The following AKAP6 variants were observed in gnomAD, a reference collection of about 807,000 sequenced individuals.
AKAP6 encodes the protein A-kinase anchoring protein 6.
Under a neutral mutation model 188.5 loss-of-function variants are expected in AKAP6, and 58 were observed. That is an observed-to-expected ratio of 0.31 (90% CI 0.25 to 0.38). The LOEUF (loss-of-function observed/expected upper bound fraction) is 0.38, where lower values mean the gene tolerates loss of function less well. AKAP6 is among the 10% of genes least tolerant of loss of function. The probability of loss-of-function intolerance (pLI) is 1.00; values close to 1 mark genes in which losing one functional copy is unlikely to be tolerated. For synonymous variants in AKAP6, 989 were observed against 998.6 expected (o/e 0.99, Z 0.18); for missense variants, 2,710 against 2,740.0 (o/e 0.99, Z 0.24).
intron 1 of AKAP6, among the ~76,000 whole-genome samples, chr14:32,348,294 A>T (rs1359440762): frequency 1.3e-5 from 2 of 152,230 alleles, no homozygotes; most frequent in Non-Finnish European, 2.9e-5. Context: ...AAATTAGCAC[A>T]TTTTAAGATA....
At chr14:32,705,452 A>G (rs1451114033) in intron 9 of AKAP6, among the ~76,000 whole-genome samples, 1 of 152,192 alleles carries the variant, frequency 6.6e-6, no homozygotes, top group Non-Finnish European at 1.5e-5. Context: ...ATGTGTATGT[A>G]TATGTGAGTG....
chr14:32,681,174 G>A (rs1404745650), intron 8 of AKAP6, among the ~76,000 whole-genome samples: 3 of 152,176 alleles, frequency 2.0e-5, no homozygotes, highest in Admixed American at 6.5e-5. Flanking sequence ...ATTACTTTCT[G>A]TATATTTTGT....
chr14:32,423,479 A>C (rs1957011), intron 1 of AKAP6, among the ~76,000 whole-genome samples: 50,142 of 152,002 alleles, frequency 0.33, 9,599 homozygotes, highest in East Asian at 0.8. Flanking sequence ...ATGCCTAGCC[A>C]TAACTTATTT....
At chr14:32,681,992 C>T (rs66604843) in intron 8 of AKAP6, among the ~76,000 whole-genome samples, 33,934 of 152,122 alleles carry the variant, frequency 0.22, 4,595 homozygotes, top group East Asian at 0.55. Context: ...ATTTCAGAAG[C>T]TCACAGTTTG....
intron 5 of AKAP6, among the ~76,000 whole-genome samples, chr14:32,578,284 T>C (rs1278946187): frequency 6.6e-6 from 1 of 152,096 alleles, no homozygotes; most frequent in Middle Eastern, 3.2e-3. Context: ...TTGCAGCATG[T>C]TTATATAACA....
At chr14:32,570,241 G>A (rs1018235546) in intron 4 of AKAP6, among the ~76,000 whole-genome samples, 3 of 144,512 alleles carry the variant, frequency 2.1e-5, no homozygotes, top group Admixed American at 7.5e-5. Context: ...AGTGATTCTC[G>A]TGCCTCAGCC....
chr14:32,503,433 CT>C (rs1880703568), intron 2 of AKAP6, among the ~76,000 whole-genome samples: 1 of 151,836 alleles, frequency 6.6e-6, no homozygotes, highest in Non-Finnish European at 1.5e-5. Flanking sequence ...TCTTTTTCTA[CT>C]GTAGTCAAAT....
In AKAP6 at chr14:32,829,860, G is replaced by A. The variant is rs781544950; in HGVS notation, c.*55G>A. ...TTGTTTCTTGTAGATACGCCTGGCT[G>A]CAACTCAGGGGTGGCCTCATCCTCC... On this transcript the variant is annotated 3_prime_UTR_variant, in exon 14 of 14. Coordinates refer to ENST00000280979, the MANE Select transcript of AKAP6 (RefSeq NM_004274.5). 1 of 700,788 alleles carries A rather than the reference G, an allele frequency of 1.4e-6. No individual in the cohort carries two copies. The highest frequency in any genetic ancestry group is 1.5e-5 in the South Asian group (1 of 67,406). The allele number at this position is 700,788 out of a possible 1,614,324, so 43.4% of individuals were successfully genotyped here.
At chr14:32,429,110 C>A (rs534173852) in intron 1 of AKAP6, among the ~76,000 whole-genome samples, 1 of 152,206 alleles carries the variant, frequency 6.6e-6, no homozygotes, top group Non-Finnish European at 1.5e-5. Flanking sequence ...ACTCCTTTCA[C>A]ACCGTCTTGG....
Position 32,599,037 on chromosome 14 carries a change from A to G in AKAP6, c.2470-373A>G, listed in dbSNP as rs181225764. 9.4e-4 allele frequency among the ~76,000 whole-genome samples: 143 copies of G among 152,212 alleles called. No homozygotes were observed. In the Middle Eastern group the frequency reaches 0.01, roughly 11 times the overall value. ...ATATATTTTATGCTGCCAATTTTTT[A>G]TGGTTTCATAAATAGTGCTATCACT... On this transcript the variant is annotated intron_variant, in intron 5 of 13. Coordinates refer to ENST00000280979, the MANE Select transcript of AKAP6 (RefSeq NM_004274.5).
rs375990822 is a variant in AKAP6 at position 32,793,386 on chromosome 14, C to G, written c.3588+19493C>G. ...CAGGGGTTGCAATCCCAGTTTCTGA[C>G]AAACCAGAGTTTAAACCAGCAAAGA... On this transcript the variant is annotated intron_variant, in intron 12 of 13. Coordinates refer to ENST00000280979, the MANE Select transcript of AKAP6 (RefSeq NM_004274.5). Among the ~76,000 whole-genome samples, 11 of 151,948 alleles carry G rather than the reference C, an allele frequency of 7.2e-5. No homozygotes were observed. The East Asian group carries it at 1.7e-3, about 24-fold the overall frequency.
At chr14:32,577,792 G>A (rs1884795898) in intron 5 of AKAP6, among the ~76,000 whole-genome samples, 3 of 152,034 alleles carry the variant, frequency 2.0e-5, no homozygotes, top group Non-Finnish European at 4.4e-5. Context: ...ACCATGGAGG[G>A]GAAGTGGAAA....
chr14:32,467,608 G>A (rs1405317837), intron 2 of AKAP6, among the ~76,000 whole-genome samples: 3 of 151,894 alleles, frequency 2.0e-5, no homozygotes, highest in Admixed American at 6.6e-5. Flanking sequence ...AATCCAGTCT[G>A]GATCCTCGGA....
intron 1 of AKAP6, among the ~76,000 whole-genome samples, chr14:32,366,989 A>G (rs149145205): frequency 1.3e-5 from 2 of 152,242 alleles, no homozygotes; most frequent in South Asian, 2.1e-4. Flanking sequence ...TAGGTTCTTG[A>G]AAAGGGCCTG....
chr14:32,739,010 G>T (rs1486150159), intron 11 of AKAP6, among the ~76,000 whole-genome samples: 1 of 152,052 alleles, frequency 6.6e-6, no homozygotes, highest in Non-Finnish European at 1.5e-5. Context: ...TTATAAGCAT[G>T]GGAATAGATA....
At chr14:32,542,292 G>T (rs1882990459) in intron 3 of AKAP6, among the ~76,000 whole-genome samples, 1 of 152,128 alleles carries the variant, frequency 6.6e-6, no homozygotes, top group African/African-American at 2.4e-5. Flanking sequence ...GGCATAGAGA[G>T]ACATTCTAAA....
rs1191024274 is a variant in AKAP6, at chr14:32,749,783, T to G, written c.3372+13901T>G. Among the ~76,000 whole-genome samples the G allele has an allele frequency of 3.3e-5, 5 of 152,300 alleles. No homozygotes were observed. In the East Asian group the frequency reaches 9.7e-4, roughly 29 times the overall value. On this transcript the variant is annotated intron_variant, in intron 11 of 13. Transcript: ENST00000280979. ...AAAATTAATGACCAAGTTGAAGAGA[T>G]GGAGGATTTGAATCTGGAAGGACTA...
intron 7 of AKAP6, among the ~76,000 whole-genome samples, chr14:32,649,715 C>G (rs1888131986): frequency 6.6e-6 from 1 of 152,068 alleles, no homozygotes; most frequent in African/African-American, 2.4e-5. Context: ...AATAATAAAT[C>G]ACTTTACATA....
chr14:32,765,641 T>C (rs960854796), intron 11 of AKAP6, among the ~76,000 whole-genome samples: 2 of 151,870 alleles, frequency 1.3e-5, no homozygotes, highest in African/African-American at 4.8e-5. Context: ...AATACATAGA[T>C]GTATATGGCA....
Sources: gnomAD v4.1 joint callset for allele counts (sites outside exome capture counted in the v4.1 genomes callset) on GRCh38, gnomAD v4.1.1 for gene constraint, MANE v1.5 for transcripts, NCBI Gene and HGNC (gene_info 2026-07-23, HGNC 2026-07-21) for gene names.